The following VTI1A variants were observed in gnomAD, a reference collection of about 807,000 sequenced individuals.
The protein encoded by VTI1A is vesicle transport through interaction with t-SNAREs 1A, also known as vesicle transport through interaction with t-SNAREs homolog 1A.
Under a neutral mutation model 34.9 loss-of-function variants are expected in VTI1A, and 22 were observed. That is an observed-to-expected ratio of 0.63 (90% CI 0.45 to 0.90). The LOEUF (loss-of-function observed/expected upper bound fraction) is 0.90. Among genes scored for constraint, VTI1A ranks in the 40% least tolerant of loss-of-function variants. The pLI is 0.00. For synonymous variants in VTI1A, 87 were observed against 97.3 expected (o/e 0.89, Z 0.62); for missense variants, 268 against 275.6 (o/e 0.97, Z 0.20).
Position 112,611,737 on chromosome 10 carries a change from A to ATTTTTTTTTTTTTTTTTTTTTTT in VTI1A, c.428-56459_428-56458insTTTTTTTTTTTTTTTTTTTTTTT, listed in dbSNP as rs3057346. Among the ~76,000 whole-genome samples the ATTTTTTTTTTTTTTTTTTTTTTT allele has an allele frequency of 2.5e-3, 249 of 100,786 alleles. 15 individuals are homozygous for ATTTTTTTTTTTTTTTTTTTTTTT. Among genetic ancestry groups the ATTTTTTTTTTTTTTTTTTTTTTT allele is most frequent in the Non-Finnish European group, 3.5e-3 (185 of 52,134 alleles). The allele number at this position is 100,786 out of a possible 152,430, so 66.1% of individuals were successfully genotyped here. A position where few individuals can be genotyped will look rare whatever the true frequency, so the allele number is the denominator to read the frequency against. ...TAAAGCCCATTTGGTGAGAAAGGTA[A>ATTTTTTTTTTTTTTTTTTTTTTT]TTTTTTTTTTTTTTTTTTTTTTGTG... On this transcript the variant is annotated intron_variant, in intron 5 of 7. Transcript: ENST00000393077.
chr10:112,694,799 T>C (rs531267287), intron 7 of VTI1A, among the ~76,000 whole-genome samples: 1 of 152,072 alleles, frequency 6.6e-6, no homozygotes, highest in South Asian at 2.1e-4. Context: ...TGAAACCCCG[T>C]CTCTACTAAA....
At chr10:112,787,535 C>T (rs1330371981) in intron 7 of VTI1A, among the ~76,000 whole-genome samples, 1 of 152,028 alleles carries the variant, frequency 6.6e-6, no homozygotes, top group Admixed American at 6.6e-5. Context: ...CTAAGCTCTG[C>T]TTAAATTGCA....
chr10:112,795,095 TG>T (rs1852623634), intron 7 of VTI1A, among the ~76,000 whole-genome samples: 1 of 152,260 alleles, frequency 6.6e-6, no homozygotes, highest in Non-Finnish European at 1.5e-5. Flanking sequence ...GTGACTCACC[TG>T]GCATCATAGC....
chr10:112,470,470 A>G (rs1236155187), intron 3 of VTI1A, among the ~76,000 whole-genome samples: 2 of 152,194 alleles, frequency 1.3e-5, no homozygotes, highest in African/African-American at 2.4e-5. Context: ...ACAGGTTTTC[A>G]GAGCAAGAAC....
At chr10:112,545,817 TCGTGTGTGTGTGCGCACGCGTGCG>T (rs1851057903) in intron 5 of VTI1A, among the ~76,000 whole-genome samples, 1 of 152,112 alleles carries the variant, frequency 6.6e-6, no homozygotes. Context: ...TCATTGAATC[TCGTGTGTGTGTGCGCACGCGTGCG>T]CGTGTGTTTG....
At chr10:112,569,648 A>G (rs1852044492) in intron 5 of VTI1A, among the ~76,000 whole-genome samples, 1 of 152,190 alleles carries the variant, frequency 6.6e-6, no homozygotes, top group South Asian at 2.1e-4. Flanking sequence ...GTATCCTGGG[A>G]AAACTTTGGA....
chr10:112,573,114 A>G (rs944344110), intron 5 of VTI1A, among the ~76,000 whole-genome samples: 1 of 151,988 alleles, frequency 6.6e-6, no homozygotes, highest in African/African-American at 2.4e-5. Flanking sequence ...TAATGTAGCA[A>G]ATTTTGAGAA....
downstream of VTI1A, among the ~76,000 whole-genome samples, chr10:112,820,121 T>C (rs1853626840): frequency 6.6e-6 from 1 of 152,212 alleles, no homozygotes; most frequent in African/African-American, 2.4e-5. Flanking sequence ...TTGGTTACTA[T>C]GGGCGTAGGA....
chr10:112,697,399 CTTTTTTT>C (rs57723783), intron 7 of VTI1A, among the ~76,000 whole-genome samples: 79 of 114,036 alleles, frequency 6.9e-4, no homozygotes, highest in African/African-American at 3.2e-3. Flanking sequence ...CTTTTCTTTT[CTTTTTTT>C]TTTTTTTTTT....
intron 5 of VTI1A, among the ~76,000 whole-genome samples, chr10:112,661,885 A>C (rs1045983453): frequency 2.0e-5 from 3 of 150,388 alleles, no homozygotes; most frequent in African/African-American, 7.4e-5. Flanking sequence ...CTCCTGCCTC[A>C]GTCTCCTGAG....
At chr10:112,742,971 A>T (rs1220650408) in intron 7 of VTI1A, among the ~76,000 whole-genome samples, 5 of 151,638 alleles carry the variant, frequency 3.3e-5, no homozygotes, top group Non-Finnish European at 5.9e-5. Flanking sequence ...GATAAGCAAG[A>T]GGAGATTTGC....
At chr10:112,477,931 G>A (rs920635062) in intron 3 of VTI1A, among the ~76,000 whole-genome samples, 28 of 152,082 alleles carry the variant, frequency 1.8e-4, no homozygotes, top group African/African-American at 6.5e-4. Context: ...TTATGGAAAT[G>A]TAATTTTTAA....
chr10:112,699,896 G>A (rs1323229200), intron 7 of VTI1A, among the ~76,000 whole-genome samples: 1 of 151,696 alleles, frequency 6.6e-6, no homozygotes, highest in Non-Finnish European at 1.5e-5. Flanking sequence ...CAAGGCGGGT[G>A]GATCACGAGG....
At chr10:112,518,651 G>GTATA (rs36060655) in intron 3 of VTI1A, among the ~76,000 whole-genome samples, 3,449 of 134,080 alleles carry the variant, frequency 0.026, 90 homozygotes, top group Admixed American at 0.052. Context: ...GTATATACGT[G>GTATA]TATATATATA....
chr10:112,713,965 G>A (rs1446086270), intron 7 of VTI1A, among the ~76,000 whole-genome samples: 1 of 152,106 alleles, frequency 6.6e-6, no homozygotes, highest in African/African-American at 2.4e-5. Context: ...GGTGCTCCCC[G>A]TGTATTTTGG....
chr10:112,775,256 C>A (rs1301699834), intron 7 of VTI1A, among the ~76,000 whole-genome samples: 1 of 152,148 alleles, frequency 6.6e-6, no homozygotes, highest in African/African-American at 2.4e-5. Context: ...CTTCAAAGTA[C>A]CACTGCAGTA....
intron 3 of VTI1A, among the ~76,000 whole-genome samples, chr10:112,520,849 A>G (rs1011751535): frequency 2.0e-5 from 3 of 151,994 alleles, no homozygotes; most frequent in Non-Finnish European, 4.4e-5. Context: ...AATGAGAGTG[A>G]TTACAATAAA....
chr10:112,643,460 A>G (rs1846658951), intron 5 of VTI1A, among the ~76,000 whole-genome samples: 1 of 152,226 alleles, frequency 6.6e-6, no homozygotes, highest in Non-Finnish European at 1.5e-5. Context: ...TAAATTATTC[A>G]TAAAGCAAGG....
intron 7 of VTI1A, among the ~76,000 whole-genome samples, chr10:112,670,759 T>TA (rs1847818440): frequency 6.6e-6 from 1 of 152,200 alleles, no homozygotes; most frequent in African/African-American, 2.4e-5. Flanking sequence ...GTTCTCTTTG[T>TA]AGGCAAACTC....
Sources: allele counts gnomAD v4.1 joint callset (sites outside exome capture counted in the v4.1 genomes callset), GRCh38; gene constraint gnomAD v4.1.1; transcripts MANE v1.5; gene names NCBI Gene and HGNC (gene_info 2026-07-23, HGNC 2026-07-21).